PSMD3: variants seen among roughly 807,000 people sequenced by gnomAD.
PSMD3 encodes the protein proteasome 26S subunit, non-ATPase 3, also known as 26S proteasome non-ATPase regulatory subunit 3.
Under a neutral mutation model 62.8 loss-of-function variants are expected in PSMD3, and 5 were observed. The ratio of observed to expected loss-of-function variants is 0.08; its 90% confidence interval spans 0.04 to 0.17. The LOEUF is 0.17. Among genes scored for constraint, PSMD3 ranks in the 10% least tolerant of loss-of-function variants. The pLI is 1.00. For missense variants in PSMD3, 524 were observed against 713.6 expected, an observed-to-expected ratio of 0.73 and a Z score of 3.03; for synonymous variants, 265 against 283.9, an observed-to-expected ratio of 0.93 and a Z score of 0.67.
chr17:39,996,991 C>A lies in PSMD3; in HGVS notation c.1477-339C>A, dbSNP rs1384483568. On this transcript the variant is annotated intron_variant, in intron 10 of 11. Transcript: ENST00000264639. The surrounding 1 kb of genome is among the most constrained non-coding windows in gnomAD (Gnocchi z 5.1). Reference sequence around the variant, plus strand: ...AGCCTCCCCTCCCACTCCTGCCCCACCACCCAGCAGCCAGCCCACTGGGTG... The same window carrying A: ...AGCCTCCCCTCCCACTCCTGCCCCAACACCCAGCAGCCAGCCCACTGGGTG... 6.6e-6 allele frequency among the ~76,000 whole-genome samples: 1 copy of A among 152,182 alleles called. No homozygotes were observed. The highest frequency in any genetic ancestry group is 1.5e-5 in the Non-Finnish European group (1 of 68,032).
In PSMD3 at chr17:39,986,615, C is replaced by T. The variant is rs772568597; in HGVS notation, c.452C>T (p.Thr151Met). Residue 151 changes from threonine (T) to methionine (M), a missense_variant, in exon 3 of 12, where the codon ACG becomes ATG. Physicochemically the swap from Thr to Met is moderately conservative, Grantham distance 81. Around this residue, in one of 4 missense-constraint regions of PSMD3, gnomAD observed 396 missense variants for 475.8 expected, o/e 0.83. Coordinates refer to ENST00000264639, the MANE Select transcript of PSMD3 (RefSeq NM_002809.4). The stretch of plus-strand genomic sequence containing the variant: ...GCTGATTTACAGTTCCGTCCCCGCA[C>T]GGGAAAAGCTGCGTCGACACCCCTC... ...TEADLQFRPR[T>M]GKAASTPLLP... The T allele has an allele frequency of 9.9e-6, 16 of 1,614,034 alleles. No homozygotes were observed. Among genetic ancestry groups the T allele is most frequent in the Admixed American group, 5.0e-5 (3 of 60,008 alleles).
Position 39,994,937 on chromosome 17 carries a change from C to T in PSMD3, c.982-17C>T. On this transcript the variant is annotated splice_polypyrimidine_tract_variant and intron_variant, in intron 6 of 11. Coordinates refer to ENST00000264639, the MANE Select transcript of PSMD3 (RefSeq NM_002809.4). Reference sequence around the variant, plus strand: ...TGGGGCTCCCTGCCCACTGTGTTCCCCTGTCACTCTGTCCAGGTGCACAAG... The same window carrying T: ...TGGGGCTCCCTGCCCACTGTGTTCCTCTGTCACTCTGTCCAGGTGCACAAG... 1 of 1,611,694 alleles carries T rather than the reference C, an allele frequency of 6.2e-7. No individual in the cohort carries two copies. The highest frequency in any genetic ancestry group is 8.5e-7 in the Non-Finnish European group (1 of 1,177,852).
chr17:39,985,227 TCAAAA>T lies in PSMD3; in HGVS notation c.411+754_411+758del, dbSNP rs1217573955. Among the ~76,000 whole-genome samples the T allele has an allele frequency of 2.0e-5, 3 of 150,842 alleles. No individual in the cohort carries two copies. In the East Asian group the frequency reaches 5.9e-4, roughly 30 times the overall value. On this transcript the variant is annotated intron_variant, in intron 2 of 11. Transcript: ENST00000264639. ...TAGGTGACAGGGTGACCCCCCTACC[TCAAAA>T]CAAAACAAAAAAAACCCCACAGATT...
At position 39,992,024 on chromosome 17, in the gene PSMD3, C is replaced by CAAAAAAAAAAAAAAAAAAAAAAAAAAAAA. The variant is rs59894264; in HGVS notation, c.981+1836_981+1837insAAAAAAAAAAAAAAAAAAAAAAAAAAAAA. Among the ~76,000 whole-genome samples the CAAAAAAAAAAAAAAAAAAAAAAAAAAAAA allele has an allele frequency of 7.6e-4, 77 of 101,606 alleles. 1 individual carries two copies. Among genetic ancestry groups the CAAAAAAAAAAAAAAAAAAAAAAAAAAAAA allele is most frequent in the Admixed American group, 1.4e-3 (14 of 10,176 alleles). The allele number at this position is 101,606 out of a possible 152,430, so 66.7% of individuals were successfully genotyped here. ...TGGGCGACAGAGCAAGACTCTGTCT[C>CAAAAAAAAAAAAAAAAAAAAAAAAAAAAA]AAAAAAAAACAAACATTAAAATTGA... is the stretch of plus-strand genomic sequence containing the variant. On this transcript the variant is annotated intron_variant, in intron 6 of 11. Transcript: ENST00000264639.
In PSMD3 at chr17:39,980,844, C is replaced by A. The variant is rs1410784952; in HGVS notation, c.-127C>A. 1.2e-6 allele frequency: 1 copy of A among 858,990 alleles called. No individual in the cohort carries two copies. The highest frequency in any genetic ancestry group is 1.9e-5 in the South Asian group (1 of 53,832). The allele number at this position is 858,990 out of a possible 1,614,324, so 53.2% of individuals were successfully genotyped here. On this transcript the variant is annotated 5_prime_UTR_variant, in exon 1 of 12. Transcript: ENST00000264639. ...GCCGGGAAGGGGTTTGCAGCTGCTC[C>A]GTCATCGTGCGGCCCGACGCTATCT...
At chr17:39,985,384 G>T (rs78767867) in intron 2 of PSMD3, among the ~76,000 whole-genome samples, 1,723 of 152,316 alleles carry the variant, frequency 0.011, 40 homozygotes, top group African/African-American at 0.039. Flanking sequence ...ATTGGGAAGC[G>T]GGCAGTATAA....
At chr17:39,994,633 C>G (rs775313123) in intron 6 of PSMD3, 2 of 348,224 alleles carry the variant, frequency 5.7e-6, no homozygotes, top group Admixed American at 8.1e-5. Flanking sequence ...GTTGCTGAGC[C>G]ACAGCACCCG....
At chr17:39,989,514 T>C (rs1334277839) in intron 4 of PSMD3, among the ~76,000 whole-genome samples, 1 of 152,232 alleles carries the variant, frequency 6.6e-6, no homozygotes, top group Non-Finnish European at 1.5e-5. Flanking sequence ...TCATGACCAT[T>C]GCCTCCCCCA....
At position 39,997,940 on chromosome 17, in the gene PSMD3, A is replaced by T. The variant is rs1046933878; in HGVS notation, c.*359A>T. On this transcript the variant is annotated 3_prime_UTR_variant, in exon 12 of 12. Coordinates refer to ENST00000264639, the MANE Select transcript of PSMD3 (RefSeq NM_002809.4). ...AAGCTTCGATTATGATTTTTAAACAATAAAAAGTTCTCCACAGTGCTTTGT... is the reference window on the plus strand; with the variant it reads ...AAGCTTCGATTATGATTTTTAAACATTAAAAAGTTCTCCACAGTGCTTTGT... The T allele has an allele frequency of 9.7e-6, 3 of 310,056 alleles. No homozygotes were observed. Among genetic ancestry groups the T allele is most frequent in the African/African-American group, 2.1e-5 (1 of 46,738 alleles). The allele number at this position is 310,056 out of a possible 1,614,324, so 19.2% of individuals were successfully genotyped here.
intron 1 of PSMD3, 149 bp downstream of exon 1, chr17:39,981,339 C>T: frequency 7.4e-7 from 1 of 1,350,426 alleles, no homozygotes; most frequent in Non-Finnish European, 9.9e-7. Context: ...CCCCGACACT[C>T]CCGACTCCAG....
chr17:39,994,533 C>T lies in PSMD3; in HGVS notation c.982-421C>T, dbSNP rs1980734457. Reference sequence around the variant, plus strand: ...ATGAGTTCTACCCACTGATGACCTCCTCTCCTCTAGTAACAGTCCGCCTCC... The same window carrying T: ...ATGAGTTCTACCCACTGATGACCTCTTCTCCTCTAGTAACAGTCCGCCTCC... On this transcript the variant is annotated intron_variant, in intron 6 of 11. Coordinates refer to ENST00000264639, the MANE Select transcript of PSMD3 (RefSeq NM_002809.4). 9 of 221,978 alleles carry T rather than the reference C, an allele frequency of 4.1e-5. No homozygotes were observed. The South Asian group carries it at 5.6e-4, about 14-fold the overall frequency. 13.8% of individuals were successfully genotyped at this position (221,978 alleles called of 1,614,324 possible). A position where few individuals can be genotyped will look rare whatever the true frequency, so the allele number is the denominator to read the frequency against.
intron 6 of PSMD3, among the ~76,000 whole-genome samples, chr17:39,992,693 C>G (rs970981466): frequency 6.6e-6 from 1 of 152,226 alleles, no homozygotes; most frequent in Non-Finnish European, 1.5e-5. Context: ...ACTCCTTCCT[C>G]TCTCTTCTAG....
At chr17:39,989,671 C>T (rs1036264239) in intron 4 of PSMD3, 68 bp from the exon 5 acceptor site, 29 of 1,419,974 alleles carry the variant, frequency 2.0e-5, no homozygotes, top group Admixed American at 8.1e-5. Context: ...TGAGAAAGAG[C>T]GAAGAGTTAA....
At chr17:39,990,609 C>T (rs1980632821) in intron 6 of PSMD3, among the ~76,000 whole-genome samples, 1 of 152,302 alleles carries the variant, frequency 6.6e-6, no homozygotes, top group Middle Eastern at 3.4e-3. Flanking sequence ...GGTTGCTTCA[C>T]ATCTATTTGT....
chr17:39,985,416 T>A (rs1980500033), intron 2 of PSMD3, among the ~76,000 whole-genome samples: 1 of 152,224 alleles, frequency 6.6e-6, no homozygotes, highest in Non-Finnish European at 1.5e-5. Context: ...CAGTGCCTGG[T>A]ACGTAGTGAA....
chr17:39,988,775 C>T lies in PSMD3; in HGVS notation c.642C>T (p.His214=), dbSNP rs778189934. 32 of 1,613,974 alleles carry T rather than the reference C, an allele frequency of 2.0e-5. No homozygotes were observed. Among genetic ancestry groups the T allele is most frequent in the Non-Finnish European group, 2.5e-5 (29 of 1,180,020 alleles). Residue 214 remains histidine, a synonymous_variant, in exon 4 of 12, where the codon CAC becomes CAT. Transcript: ENST00000264639. ...DLVAAKCYYY[H]ARVYEFLDKL... is the part of the protein sequence containing the mutation. ...TAGCCGCAAAGTGTTACTATTATCA[C>T]GCCCGGGTCTATGAGTTCCTGGACA...
rs761804346 is a variant in PSMD3 at position 39,995,424 on chromosome 17, G to A, written c.1217G>A (p.Gly406Asp). ...IRLRHNVIKT[G>D]VRMISLSYSR... ...ACCCCATCGCTCCTTCCTCTCCCAG[G>A]TGTACGCATGATCAGCCTCTCCTAT... is the stretch of plus-strand genomic sequence containing the variant. The change falls in exon 9 of 12, where the codon GGT (glycine) becomes GAT (aspartate). Residue 406 changes from glycine (G) to aspartate (D), a missense_variant and splice_region_variant. This residue lies in a region of PSMD3 where 32 missense variants were observed against 85.4 expected (regional missense o/e 0.37). Coordinates refer to ENST00000264639, the MANE Select transcript of PSMD3 (RefSeq NM_002809.4). The surrounding 1 kb of genome is among the most constrained non-coding windows in gnomAD (Gnocchi z 4.1). 1.2e-6 allele frequency: 2 copies of A among 1,613,750 alleles called. No individual in the cohort carries two copies. The highest frequency in any genetic ancestry group is 8.5e-7 in the Non-Finnish European group (1 of 1,179,646).
At chr17:39,986,828 C>T in intron 3 of PSMD3, 116 bp downstream of exon 3, 2 of 1,338,868 alleles carry the variant, frequency 1.5e-6, no homozygotes, top group Non-Finnish European at 2.1e-6. Context: ...GAACTGTCCC[C>T]CACACTCTTT....
intron 6 of PSMD3, chr17:39,993,056 C>A (rs1243969401): frequency 6.6e-6 from 1 of 152,216 alleles, no homozygotes; most frequent in Non-Finnish European, 1.5e-5. Context: ...CTTAAACAAC[C>A]GAAATTGATT....
Sources: gnomAD v4.1 joint callset for allele counts (sites outside exome capture counted in the v4.1 genomes callset) on GRCh38, gnomAD v4.1.1 for gene constraint, gnomAD v4.1.1 regional missense constraint, Gnocchi (gnomAD v3.1) non-coding constraint, MANE v1.5 for transcripts, NCBI Gene and HGNC (gene_info 2026-07-23, HGNC 2026-07-21) for gene names.